DNAH9: variants seen among roughly 807,000 people sequenced by gnomAD.
DNAH9 encodes the protein DNAH9 variant protein.
DNAH9 carries 345 observed loss-of-function variants against 471.6 expected under a neutral mutation model. The observed-to-expected ratio is 0.73, with a 90% CI of 0.67 to 0.80. The LOEUF (loss-of-function observed/expected upper bound fraction) is 0.80, where lower values mean the gene tolerates loss of function less well. Ranked by LOEUF, DNAH9 falls within the 30% of genes least tolerant of loss-of-function variation. The pLI, the probability that DNAH9 is intolerant of heterozygous loss-of-function variation, is 0.00. For synonymous variants in DNAH9, 2,093 were observed against 2,123.6 expected (o/e 0.99, Z 0.40); for missense variants, 5,407 against 5,609.2 (o/e 0.96, Z 1.15).
At chr17:11,756,174 G>A (rs1967376462) in intron 33 of DNAH9, among the ~76,000 whole-genome samples, 2 of 152,024 alleles carry the variant, frequency 1.3e-5, no homozygotes. Context: ...CTACTTGGGA[G>A]GCTGGGGCAG....
At chr17:11,792,352 G>T (rs1358616420) in intron 41 of DNAH9, among the ~76,000 whole-genome samples, 1 of 152,154 alleles carries the variant, frequency 6.6e-6, no homozygotes. Flanking sequence ...TAATGGATCT[G>T]CACATTATTC....
chr17:11,692,666 A>G (rs1314006640), intron 20 of DNAH9, among the ~76,000 whole-genome samples: 1 of 151,806 alleles, frequency 6.6e-6, no homozygotes, highest in Admixed American at 6.6e-5. Flanking sequence ...AATCACATTA[A>G]GATGTTATCC....
At chr17:11,618,679 T>C (rs892522020) in intron 5 of DNAH9, among the ~76,000 whole-genome samples, 2 of 151,156 alleles carry the variant, frequency 1.3e-5, no homozygotes, top group Non-Finnish European at 2.9e-5. Flanking sequence ...TCTGAGAAAA[T>C]AACGAACAAG....
intron 68 of DNAH9, among the ~76,000 whole-genome samples, chr17:11,967,659 A>C (rs970210451): frequency 2.6e-5 from 4 of 152,194 alleles, no homozygotes; most frequent in Non-Finnish European, 4.4e-5. Context: ...TTTAAAAAAC[A>C]AACCATGAAA....
intron 24 of DNAH9, among the ~76,000 whole-genome samples, chr17:11,703,775 G>T (rs1251197725): frequency 2.0e-5 from 3 of 152,172 alleles, no homozygotes; most frequent in African/African-American, 7.2e-5. Flanking sequence ...ATGATCAGCA[G>T]TGGCTCACTA....
chr17:11,685,947 G>C (rs2074235985), intron 19 of DNAH9, among the ~76,000 whole-genome samples: 1 of 151,820 alleles, frequency 6.6e-6, no homozygotes, highest in South Asian at 2.1e-4. Context: ...TGGGACTATA[G>C]GTGCATGCCA....
chr17:11,773,916 G>C (rs899282193), intron 38 of DNAH9, among the ~76,000 whole-genome samples: 1 of 152,086 alleles, frequency 6.6e-6, no homozygotes, highest in South Asian at 2.1e-4. Context: ...GATCACCTGA[G>C]GTCAGGAGTT....
intron 28 of DNAH9, among the ~76,000 whole-genome samples, chr17:11,728,861 G>C (rs1811231): frequency 0.85 from 128,681 of 152,194 alleles, 55,509 homozygotes; most frequent in Non-Finnish European, 0.92. Context: ...CTGAACATCA[G>C]AGGAGAACTG....
At chr17:11,631,291 A>T (rs1402528829) in intron 7 of DNAH9, among the ~76,000 whole-genome samples, 1 of 152,164 alleles carries the variant, frequency 6.6e-6, no homozygotes, top group African/African-American at 2.4e-5. Context: ...GAATTTTAAG[A>T]GTGTGTGCGG....
At chr17:11,812,016 AAAAAAAAAAAATATATATAT>A (rs1969933263) in intron 45 of DNAH9, among the ~76,000 whole-genome samples, 2 of 50,578 alleles carry the variant, frequency 4.0e-5, no homozygotes, top group African/African-American at 1.8e-4. Context: ...AAAAAAAAAA[AAAAAAAAAAAATATATATAT>A]ATATATATAT....
At chr17:11,679,720 C>G (rs777017358) in intron 17 of DNAH9, 37 bp from the exon 18 acceptor site, 1 of 1,435,340 alleles carries the variant, frequency 7.0e-7, no homozygotes, top group East Asian at 2.3e-5. Flanking sequence ...AGAAGTAGAA[C>G]GAGAATGGTT....
chr17:11,960,986 C>A (rs1686453150), intron 67 of DNAH9, among the ~76,000 whole-genome samples: 1 of 152,068 alleles, frequency 6.6e-6, no homozygotes. Context: ...TGCCACAGAT[C>A]ATTGGCAGAG....
chr17:11,790,004 T>C (rs1969007374), intron 41 of DNAH9, among the ~76,000 whole-genome samples: 2 of 152,074 alleles, frequency 1.3e-5, no homozygotes. Context: ...TCTAGTTATC[T>C]TTCTCTTATT....
In DNAH9 at chr17:11,632,653, A is replaced by G; in HGVS notation, c.1585A>G (p.Ile529Val). 6.2e-7 allele frequency: 1 copy of G among 1,612,154 alleles called. No individual in the cohort carries two copies. Among genetic ancestry groups the G allele is most frequent in the Non-Finnish European group, 8.5e-7 (1 of 1,178,234 alleles). ...VEDLDRRLGT[I>V]FIQAFDDAPG... Reference sequence around the variant, plus strand: ...AGATCTTGACCGAAGATTGGGGACTATCTTTATTCAAGCTTTTGATGATGC... The same window carrying G: ...AGATCTTGACCGAAGATTGGGGACTGTCTTTATTCAAGCTTTTGATGATGC... The change falls in exon 8 of 69, where the codon ATC (isoleucine) becomes GTC (valine). Residue 529 changes from isoleucine to valine, a missense_variant. Around this residue, in one of 3 missense-constraint regions of DNAH9, gnomAD observed 767 missense variants for 692.5 expected, o/e 1.11. Transcript: ENST00000262442.
intron 43 of DNAH9, among the ~76,000 whole-genome samples, chr17:11,806,052 CT>C (rs1198326111): frequency 6.6e-6 from 1 of 152,148 alleles, no homozygotes; most frequent in Middle Eastern, 3.2e-3. Context: ...TTCTCACACT[CT>C]TTTGGTCCCC....
chr17:11,750,862 AAC>A (rs1328351089), intron 32 of DNAH9, among the ~76,000 whole-genome samples: 1 of 152,130 alleles, frequency 6.6e-6, no homozygotes, highest in Non-Finnish European at 1.5e-5. Context: ...GTTCAAACTA[AAC>A]ACAAAGAAAA....
chr17:11,932,204 A>C lies in DNAH9; in HGVS notation c.12296A>C (p.Lys4099Thr). The C allele has an allele frequency of 3.1e-6, 5 of 1,613,472 alleles. No individual in the cohort carries two copies. Among genetic ancestry groups the C allele is most frequent in the Non-Finnish European group, 3.4e-6 (4 of 1,179,594 alleles). The change falls in exon 64 of 69, where the codon AAG (lysine) becomes ACG (threonine). Residue 4099 changes from lysine to threonine, a missense_variant and splice_region_variant. By Grantham distance (78) the Lys-to-Thr change is moderately conservative. This residue lies in a region of DNAH9 where 4,636 missense variants were observed against 4,900.3 expected (regional missense o/e 0.95). Transcript: ENST00000262442. This position sits in a 1 kb window ranked among gnomAD's most constrained non-coding sequence, Gnocchi z 4.3. ...TACAACTTCCTGGAGGCCAACGCAA[A>C]GGTAAAGGCCATGGACATTCAGGGA... ...VLYNFLEANA[K>T]VPYDDLRYLF...
intron 4 of DNAH9, among the ~76,000 whole-genome samples, chr17:11,617,185 A>G (rs2072763725): frequency 6.6e-6 from 1 of 152,128 alleles, no homozygotes; most frequent in South Asian, 2.1e-4. Flanking sequence ...GGCCAGGGAA[A>G]AGTCCATTTA....
intron 68 of DNAH9, among the ~76,000 whole-genome samples, chr17:11,963,736 T>C (rs1015301910): frequency 1.3e-5 from 2 of 152,152 alleles, no homozygotes; most frequent in Admixed American, 6.5e-5. Context: ...TGCTTACCAT[T>C]CTAGTGGATA....
Sources: allele counts gnomAD v4.1 joint callset (sites outside exome capture counted in the v4.1 genomes callset), GRCh38; gene constraint gnomAD v4.1.1; regional missense constraint gnomAD v4.1.1; non-coding constraint Gnocchi (gnomAD v3.1); transcripts MANE v1.5; gene names NCBI Gene and HGNC (gene_info 2026-07-23, HGNC 2026-07-21).